SCMH1: variants seen among roughly 807,000 people sequenced by gnomAD.
SCMH1 encodes the protein Scm polycomb group protein homolog 1.
SCMH1 carries 37 observed loss-of-function variants against 70.8 expected under a neutral mutation model. The ratio of observed to expected loss-of-function variants is 0.52; its 90% confidence interval spans 0.40 to 0.69. The LOEUF (loss-of-function observed/expected upper bound fraction) is 0.69, where lower values mean the gene tolerates loss of function less well. Among genes scored for constraint, SCMH1 ranks in the 30% least tolerant of loss-of-function variants. SCMH1 has a pLI of 0.00. For synonymous variants in SCMH1, 292 were observed against 307.4 expected (o/e 0.95, Z 0.52); for missense variants, 607 against 827.3 (o/e 0.73, Z 3.27).
At chr1:41,241,785 G>A (rs1438840160) in intron 1 of SCMH1, among the ~76,000 whole-genome samples, 3 of 151,844 alleles carry the variant, frequency 2.0e-5, no homozygotes, top group Admixed American at 1.3e-4. Flanking sequence ...CAGTCCTGGC[G>A]GCGTCAGGGC....
intron 1 of SCMH1, among the ~76,000 whole-genome samples, chr1:41,210,276 C>T (rs1656685757): frequency 6.6e-6 from 1 of 150,698 alleles, no homozygotes; most frequent in Non-Finnish European, 1.5e-5. Flanking sequence ...GAAAATGGCA[C>T]ATTGCCCAAG....
intron 5 of SCMH1, among the ~76,000 whole-genome samples, chr1:41,149,153 T>C (rs213770): frequency 0.54 from 81,536 of 151,972 alleles, 23,618 homozygotes; most frequent in African/African-American, 0.77. Context: ...CTATCCCCCA[T>C]CACTTCTCTC....
chr1:41,132,814 CT>C (rs1232089747), intron 6 of SCMH1, among the ~76,000 whole-genome samples: 1 of 152,166 alleles, frequency 6.6e-6, no homozygotes, highest in Non-Finnish European at 1.5e-5. Context: ...TTCCCCATTT[CT>C]TGTTTTTGTC....
At chr1:41,045,276 G>A (rs1453365130) in intron 12 of SCMH1, among the ~76,000 whole-genome samples, 2 of 152,184 alleles carry the variant, frequency 1.3e-5, no homozygotes, top group African/African-American at 4.8e-5. Context: ...CATAGAAAAG[G>A]ATCAGCCAGG....
chr1:41,029,871 C>T (rs1320970511), intron 13 of SCMH1, among the ~76,000 whole-genome samples: 1 of 152,202 alleles, frequency 6.6e-6, no homozygotes, highest in Admixed American at 6.5e-5. Context: ...CCCCATCACA[C>T]CATGCTAGTA....
chr1:41,179,261 T>A (rs1451601846), intron 2 of SCMH1, among the ~76,000 whole-genome samples: 3 of 151,858 alleles, frequency 2.0e-5, no homozygotes, highest in African/African-American at 7.3e-5. Context: ...TTTACAGCAC[T>A]AAATGCTCAC....
intron 1 of SCMH1, among the ~76,000 whole-genome samples, chr1:41,192,624 G>T (rs923920954): frequency 4.6e-5 from 7 of 151,786 alleles, no homozygotes; most frequent in African/African-American, 1.7e-4. Context: ...TACTATTTAG[G>T]AAACTATTTT....
chr1:41,142,130 AT>A (rs896132880), intron 6 of SCMH1, among the ~76,000 whole-genome samples: 10 of 152,084 alleles, frequency 6.6e-5, no homozygotes, highest in East Asian at 3.9e-4. Context: ...TACATTACAA[AT>A]TTTTTTTTAA....
chr1:41,116,831 C>T (rs1670585235), intron 7 of SCMH1, 91 bp downstream of exon 7: 2 of 951,910 alleles, frequency 2.1e-6, no homozygotes, highest in East Asian at 2.7e-5. Flanking sequence ...TCTGAGAAGG[C>T]ATCTTCAGGC....
chr1:41,053,925 AG>A (rs1211345465), intron 10 of SCMH1, among the ~76,000 whole-genome samples: 1 of 151,894 alleles, frequency 6.6e-6, no homozygotes, highest in Non-Finnish European at 1.5e-5. Flanking sequence ...GCTCACTGCA[AG>A]CTCCGCCTCC....
chr1:41,191,296 G>T (rs1323040135), intron 1 of SCMH1, among the ~76,000 whole-genome samples: 1 of 152,196 alleles, frequency 6.6e-6, no homozygotes, highest in African/African-American at 2.4e-5. Flanking sequence ...TGAACAATGT[G>T]TGTCTGCTTT....
At chr1:41,219,340 T>C (rs189709291) in intron 1 of SCMH1, among the ~76,000 whole-genome samples, 2 of 152,138 alleles carry the variant, frequency 1.3e-5, no homozygotes, top group Admixed American at 1.3e-4. Flanking sequence ...GTTGTTCCAG[T>C]GAATTGTCAA....
At chr1:41,134,986 T>G (rs138424898) in intron 6 of SCMH1, among the ~76,000 whole-genome samples, 2 of 152,314 alleles carry the variant, frequency 1.3e-5, no homozygotes, top group African/African-American at 4.8e-5. Context: ...TGAATTCTAT[T>G]AATGATTTTT....
chr1:41,038,695 G>A (rs1645662126), intron 12 of SCMH1, among the ~76,000 whole-genome samples: 1 of 151,238 alleles, frequency 6.6e-6, no homozygotes, highest in African/African-American at 2.4e-5. Context: ...TCCTAGAAGT[G>A]GTTCTGAAAA....
At chr1:41,205,523 T>C (rs1373185324) in intron 1 of SCMH1, among the ~76,000 whole-genome samples, 1 of 152,008 alleles carries the variant, frequency 6.6e-6, no homozygotes, top group African/African-American at 2.4e-5. Context: ...TCCCACTGCA[T>C]CCTCGCGGGG....
chr1:41,210,961 C>G (rs1186711437), intron 1 of SCMH1, among the ~76,000 whole-genome samples: 1 of 152,032 alleles, frequency 6.6e-6, no homozygotes, highest in African/African-American at 2.4e-5. Flanking sequence ...AGGCACACAC[C>G]ACCATGCCCA....
At chr1:41,199,442 T>C (rs1370569387) in intron 1 of SCMH1, among the ~76,000 whole-genome samples, 1 of 152,194 alleles carries the variant, frequency 6.6e-6, no homozygotes, top group Non-Finnish European at 1.5e-5. Flanking sequence ...ACATTTTGTT[T>C]TGTGAGAGTC....
chr1:41,028,702 C>A lies in SCMH1; in HGVS notation c.1703G>T (p.Arg568Leu), dbSNP rs747407979. The change falls in exon 14 of 15, where the codon CGC (arginine) becomes CTC (leucine). Residue 568 changes from arginine to leucine, a missense_variant. Physicochemically the swap from Arg to Leu is moderately radical, Grantham distance 102. Transcript: ENST00000337495. ...CCGGCCACTCAGTCGAGAGGCATCGCGGCTCTCCAGGTATCGGTCCGACCC... is the reference window on the plus strand; with the variant it reads ...CCGGCCACTCAGTCGAGAGGCATCGAGGCTCTCCAGGTATCGGTCCGACCC... 33 of 1,613,980 alleles carry A rather than the reference C, an allele frequency of 2.0e-5. No individual in the cohort carries two copies. Among genetic ancestry groups the A allele is most frequent in the Non-Finnish European group, 2.8e-5 (33 of 1,180,018 alleles).
intron 1 of SCMH1, among the ~76,000 whole-genome samples, chr1:41,190,519 C>T (rs1212614431): frequency 2.0e-5 from 3 of 152,108 alleles, no homozygotes; most frequent in Non-Finnish European, 4.4e-5. Context: ...GGTAAAATAA[C>T]CTATTGGTGA....
Sources: allele counts gnomAD v4.1 joint callset (sites outside exome capture counted in the v4.1 genomes callset), GRCh38; gene constraint gnomAD v4.1.1; transcripts MANE v1.5; gene names NCBI Gene and HGNC (gene_info 2026-07-23, HGNC 2026-07-21).